ARSF: variants seen among roughly 807,000 people sequenced by gnomAD.
ARSF encodes the protein arylsulfatase F.
In ARSF, 33 loss-of-function variants were observed where a neutral mutation model predicts 35.4. The ratio of observed to expected loss-of-function variants is 0.93; its 90% CI spans 0.71 to 1.25. The LOEUF (loss-of-function observed/expected upper bound fraction) is 1.25. Among genes scored for constraint, ARSF ranks in the 50% most tolerant of loss-of-function variants. The probability of loss-of-function intolerance (pLI) is 0.00; values close to 1 mark genes in which losing one functional copy is unlikely to be tolerated. For missense variants in ARSF, 501 were observed against 480.2 expected (o/e 1.04, Z -0.40); for synonymous variants, 222 against 193.1 (o/e 1.15, Z -1.24).
At chrX:3,074,284 T>A (rs972865060) in intron 3 of ARSF, among the ~76,000 whole-genome samples, 1 of 111,021 alleles carries the variant, frequency 9.0e-6, no homozygotes, top group Admixed American at 9.7e-5. Flanking sequence ...ACCAGGCACA[T>A]GTGCCCCAGG....
At chrX:3,101,296 A>G (rs753722549) in intron 8 of ARSF, 75 bp downstream of exon 8, 7 of 1,083,042 alleles carry the variant, frequency 6.5e-6, no homozygotes, top group African/African-American at 1.8e-5. Context: ...AAAGCCCATG[A>G]CACAAAGGAA....
chrX:3,110,043 T>C, intron 9 of ARSF, 85 bp from the exon 10 acceptor site: 1 of 990,398 alleles, frequency 1.0e-6, no homozygotes, highest in Non-Finnish European at 1.3e-6. Context: ...CATGACGCAG[T>C]CTTCACCAAG....
intron 2 of ARSF, 120 bp from the exon 3 acceptor site, chrX:3,071,906 C>G (rs960387715): frequency 2.1e-5 from 15 of 717,300 alleles, no homozygotes; most frequent in Middle Eastern, 9.1e-4. Context: ...TCTTGAGCTT[C>G]AGGAGATGCC....
Position 3,072,109 on chromosome X carries a change from T to C in ARSF, c.95T>C (p.Ile32Thr), listed in dbSNP as rs760475477. 22 of 1,201,250 alleles carry C rather than the reference T, an allele frequency of 1.8e-5. No individual in the cohort carries two copies. Among genetic ancestry groups the C allele is most frequent in the Non-Finnish European group, 2.4e-5 (21 of 893,524 alleles). ...AGGGTGCATGACGACAAGCCTAATATTGTCCTAATCATGGTTGATGACCTG... is the reference window on the plus strand; with the variant it reads ...AGGGTGCATGACGACAAGCCTAATACTGTCCTAATCATGGTTGATGACCTG... The part of the protein sequence containing the change: ...AHRVHDDKPN[I>T]VLIMVDDLGI... Residue 32 changes from isoleucine to threonine, a missense_variant, in exon 3 of 11, where the codon ATT (isoleucine) becomes ACT (threonine). Ile to Thr is a moderately conservative substitution (Grantham distance 89). Coordinates refer to ENST00000381127, the MANE Select transcript of ARSF (RefSeq NM_001201539.2).
At chrX:3,105,074 G>C (rs2070632054) in intron 9 of ARSF, among the ~76,000 whole-genome samples, 1 of 112,069 alleles carries the variant, frequency 8.9e-6, no homozygotes, top group African/African-American at 3.2e-5. Context: ...AGGGAATCCA[G>C]ATGGGTTAGA....
intron 4 of ARSF, among the ~76,000 whole-genome samples, chrX:3,079,668 G>A (rs2090182405): frequency 9.1e-6 from 1 of 109,669 alleles, no homozygotes; most frequent in Non-Finnish European, 1.9e-5. Flanking sequence ...TTAAAGGTGA[G>A]GGAAGTGGGC....
At chrX:3,098,295 G>A (rs891475310) in intron 7 of ARSF, among the ~76,000 whole-genome samples, 1 of 109,848 alleles carries the variant, frequency 9.1e-6, no homozygotes, top group African/African-American at 3.3e-5. Flanking sequence ...AAGATTTTCC[G>A]AGAAATAATA....
chrX:3,077,381 G>C (rs1031661369), intron 4 of ARSF, among the ~76,000 whole-genome samples: 1 of 111,709 alleles, frequency 9.0e-6, no homozygotes, highest in African/African-American at 3.2e-5. Flanking sequence ...GCTCATGCCT[G>C]TAATCCCAGC....
rs746160970 is a variant in ARSF at position 3,083,481 on chromosome X, C to CCTAT, written c.407-716_407-713dup. Among the ~76,000 whole-genome samples, 681 of 93,478 alleles carry CCTAT rather than the reference C, an allele frequency of 7.3e-3. 2 individuals are homozygous for CCTAT. Among genetic ancestry groups the CCTAT allele is most frequent in the Non-Finnish European group, 8.8e-3 (416 of 47,065 alleles). 81.2% of individuals were successfully genotyped at this position (93,478 alleles called of 115,157 possible). On this transcript the variant is annotated intron_variant, in intron 5 of 10. Coordinates refer to ENST00000381127, the MANE Select transcript of ARSF (RefSeq NM_001201539.2). ...TGTCCTATCCTCTCCTCTCCTCTAT[C>CCTAT]CTATCTATCTATCTATCTATCTATC... is the stretch of plus-strand genomic sequence containing the variant.
intron 1 of ARSF, among the ~76,000 whole-genome samples, chrX:3,055,706 A>G (rs1280797715): frequency 9.0e-6 from 1 of 111,288 alleles, no homozygotes; most frequent in Admixed American, 9.6e-5. Flanking sequence ...TCTCATCTTC[A>G]TCGTCCCTGG....
intron 1 of ARSF, among the ~76,000 whole-genome samples, chrX:3,052,034 A>AC (rs2089998984): frequency 1.8e-5 from 2 of 111,407 alleles, no homozygotes; most frequent in African/African-American, 6.5e-5. Context: ...AAAACAAAAA[A>AC]AAACTTGTAT....
intron 7 of ARSF, among the ~76,000 whole-genome samples, chrX:3,095,081 G>A (rs1419635585): frequency 9.2e-6 from 1 of 108,575 alleles, no homozygotes; most frequent in Non-Finnish European, 1.9e-5. Context: ...CCAGGAGTTT[G>A]AGGCTGCAGT....
chrX:3,071,955 T>A, intron 2 of ARSF, 71 bp from the exon 3 acceptor site: 1 of 1,084,824 alleles, frequency 9.2e-7, no homozygotes, highest in Non-Finnish European at 1.3e-6. Context: ...CCTGTTGTGT[T>A]GTGTTGGGAG....
At chrX:3,061,025 G>C (rs1236961643) in intron 1 of ARSF, among the ~76,000 whole-genome samples, 1 of 111,521 alleles carries the variant, frequency 9.0e-6, no homozygotes, top group Non-Finnish European at 1.9e-5. Context: ...TTGAAATGAA[G>C]GAAAAAATGT....
In ARSF at chrX:3,080,896, G is replaced by C. The variant is rs368462218; in HGVS notation, c.289G>C (p.Val97Leu). 3.3e-6 allele frequency: 4 copies of C among 1,209,306 alleles called. No homozygotes were observed. Among genetic ancestry groups the C allele is most frequent in the African/African-American group, 3.5e-5 (2 of 57,080 alleles). ...TTTTTCCACACTACATCTAGGTATG[G>C]TTTCTAGTGGTAATAGACGTGTCAT... The part of the protein sequence containing the change: ...TGRYPIRSGM[V>L]SSGNRRVIQN... Residue 97 changes from valine (V) to leucine (L), a missense_variant, in exon 5 of 11, where the codon GTT (valine) becomes CTT (leucine). Coordinates refer to ENST00000381127, the MANE Select transcript of ARSF (RefSeq NM_001201539.2).
intron 8 of ARSF, among the ~76,000 whole-genome samples, chrX:3,102,307 G>C (rs1292558261): frequency 9.0e-6 from 1 of 111,375 alleles, no homozygotes; most frequent in African/African-American, 3.3e-5. Flanking sequence ...AAAGTCACCA[G>C]AGCCCATTAT....
chrX:3,110,792 G>A lies in ARSF; in HGVS notation c.1390+540G>A, dbSNP rs146678045. Reference sequence around the variant, plus strand: ...GCACACCTGTAGTCCCAGCTACTTGGGAGGCTGAGGCGGTAGAATCACTTG... The same window carrying A: ...GCACACCTGTAGTCCCAGCTACTTGAGAGGCTGAGGCGGTAGAATCACTTG... On this transcript the variant is annotated intron_variant, in intron 10 of 10. Transcript: ENST00000381127. 7.8e-3 allele frequency among the ~76,000 whole-genome samples: 871 copies of A among 111,541 alleles called. 13 individuals carry two copies. Among genetic ancestry groups the A allele is most frequent in the Non-Finnish European group, 0.011 (568 of 53,115 alleles).
intron 1 of ARSF, among the ~76,000 whole-genome samples, chrX:3,062,058 C>A (rs2090044159): frequency 9.0e-6 from 1 of 111,615 alleles, no homozygotes; most frequent in Non-Finnish European, 1.9e-5. Flanking sequence ...GGAAGTAAAG[C>A]ACTCCTCAGC....
At chrX:3,055,357 A>AAAAAAAAAAAAG (rs2090013911) in intron 1 of ARSF, among the ~76,000 whole-genome samples, 1 of 107,613 alleles carries the variant, frequency 9.3e-6, no homozygotes, top group African/African-American at 3.4e-5. Context: ...AAAAAAAAAA[A>AAAAAAAAAAAAG]AAAAAAAATC....
Sources: gnomAD v4.1 joint callset for allele counts (sites outside exome capture counted in the v4.1 genomes callset) on GRCh38, gnomAD v4.1.1 for gene constraint, MANE v1.5 for transcripts, NCBI Gene and HGNC (gene_info 2026-07-23, HGNC 2026-07-21) for gene names.